The following NCOR2 variants were observed in gnomAD, a reference collection of about 807,000 sequenced individuals.
NCOR2 encodes CTG repeat protein 26.
Under a neutral mutation model 262.9 loss-of-function variants are expected in NCOR2, and 81 were observed. The ratio of observed to expected loss-of-function variants is 0.31; its 90% CI spans 0.26 to 0.37. The LOEUF is 0.37. Ranked by LOEUF, NCOR2 falls within the 10% of genes least tolerant of loss-of-function variation. The pLI is 1.00. For synonymous variants in NCOR2, 1,659 were observed against 1,559.3 expected (o/e 1.06, Z -1.51); for missense variants, 3,385 against 3,621.4 (o/e 0.93, Z 1.68).
rs188152154 is a variant in NCOR2 at position 124,356,124 on chromosome 12, C to T, written c.3241+518G>A. The stretch of plus-strand genomic sequence containing the variant: ...CTCTGGGCTTTTGCACTTGCTGTTC[C>T]GTCTGCCTGGCATGACTTTCCCTGT... On this transcript the variant is annotated intron_variant, in intron 23 of 46. Transcript: ENST00000405201. 5.1e-4 allele frequency among the ~76,000 whole-genome samples: 77 copies of T among 152,366 alleles called. 2 individuals carry two copies. The highest frequency in any genetic ancestry group is 3.5e-3 in the Admixed American group (53 of 15,310).
rs550469937 is a variant in NCOR2, at chr12:124,437,244, G to A, written c.882+686C>T. 2.6e-5 allele frequency among the ~76,000 whole-genome samples: 4 copies of A among 152,236 alleles called. No homozygotes were observed. In the South Asian group the frequency reaches 6.2e-4, roughly 24 times the overall value. ...TTCCTGTTGAAGCCCATCTGAGTCC[G>A]CGCTTCTTCCCCTGACAGCTGGGAG... On this transcript the variant is annotated intron_variant, in intron 8 of 46. Coordinates refer to ENST00000405201, the Ensembl canonical transcript of NCOR2.
rs781004006 is a variant in NCOR2, at chr12:124,336,842, G to A, written c.6026C>T (p.Pro2009Leu). 44 of 1,612,298 alleles carry A rather than the reference G, an allele frequency of 2.7e-5. 1 individual carries two copies. In the South Asian group the frequency reaches 3.8e-4, roughly 14 times the overall value. Residue 2009 changes from proline (P) to leucine (L), a missense_variant, in exon 38 of 47, where the codon CCG becomes CTG. Pro to Leu is a moderately conservative substitution (Grantham distance 98, BLOSUM62 -3). Transcript: ENST00000405201. ...GTCCGAGGCCGAGGCAGGTGGCGCC[G>A]GCGGGTCCGGGCTGGCGTGGTGAGG...
chr12:124,364,766 C>T (rs1427651464), intron 20 of NCOR2, among the ~76,000 whole-genome samples: 1 of 152,226 alleles, frequency 6.6e-6, no homozygotes, highest in Non-Finnish European at 1.5e-5. Flanking sequence ...GCCTGAGAAC[C>T]CTTCACCTGC....
Position 124,509,248 on chromosome 12 carries a change from G to GT in NCOR2, c.-117-13881_-117-13880insA, listed in dbSNP as rs201046538. ...CACTGGCTTTGGTGGGGGGGGGGGG[G>GT]GCTTAACTCTGAACTCTCAAGCTGA... is the stretch of plus-strand genomic sequence containing the variant. On this transcript the variant is annotated intron_variant, in intron 1 of 46. Transcript: ENST00000404621. Among the ~76,000 whole-genome samples, 656 of 150,894 alleles carry GT rather than the reference G, an allele frequency of 4.3e-3. 12 individuals are homozygous for GT. In the East Asian group the frequency reaches 0.084, roughly 19 times the overall value.
chr12:124,402,520 C>CTGCTGCTGCTGT, exon 14 of NCOR2: 1 of 1,538,606 alleles, frequency 6.5e-7, no homozygotes, highest in Non-Finnish European at 8.7e-7. Context: ...TGGGCTGCTG[C>CTGCTGCTGCTGT]TGCTGCTGCT....
At chr12:124,353,970 G>T in intron 27 of NCOR2, 123 bp downstream of exon 29, 2 of 851,592 alleles carry the variant, frequency 2.3e-6, no homozygotes, top group Non-Finnish European at 3.7e-6. Context: ...GGAGTGAACT[G>T]CTGTCCCCCA....
intron 3 of NCOR2, among the ~76,000 whole-genome samples, chr12:124,474,019 T>A (rs1205184915): frequency 2.6e-5 from 4 of 152,164 alleles, no homozygotes; most frequent in Admixed American, 2.6e-4. Context: ...TTTCCCAGCC[T>A]CTCCTCAAGT....
chr12:124,442,888 G>A (rs116666446), intron 7 of NCOR2, among the ~76,000 whole-genome samples: 2,154 of 152,304 alleles, frequency 0.014, 45 homozygotes, highest in African/African-American at 0.049. Flanking sequence ...AGACACACAC[G>A]GAGGGGAGAT....
At chr12:124,334,445 G>T in exon 41 of NCOR2, 1 of 1,497,972 alleles carries the variant, frequency 6.7e-7, no homozygotes, top group Non-Finnish European at 8.9e-7. Flanking sequence ...TTCGCTGTGG[G>T]GGGAGCCACG....
chr12:124,540,167 AG>A (rs1382929710), upstream of NCOR2, among the ~76,000 whole-genome samples: 2 of 146,742 alleles, frequency 1.4e-5, no homozygotes, highest in Non-Finnish European at 3.0e-5. Context: ...GTGATTGCAA[AG>A]AGTGGCCCCT....
At chr12:124,449,744 A>G (rs2045404190) in intron 7 of NCOR2, 71 bp downstream of exon 9, 2 of 1,542,042 alleles carry the variant, frequency 1.3e-6, no homozygotes, top group South Asian at 1.1e-5. Flanking sequence ...CCCACATCCC[A>G]TGCAGGCTGC....
intron 35 of NCOR2, 59 bp downstream of exon 37, chr12:124,340,543 C>T (rs947456665): frequency 1.6e-4 from 238 of 1,529,910 alleles, no homozygotes; most frequent in Non-Finnish European, 2.0e-4. Context: ...GCCCGCCCAT[C>T]CCCCAGCCGC....
chr12:124,562,916 A>G (rs2052118585), intron 1 of NCOR2, among the ~76,000 whole-genome samples: 1 of 152,174 alleles, frequency 6.6e-6, no homozygotes, highest in South Asian at 2.1e-4. Flanking sequence ...TGCGACACAC[A>G]GGAGCTCATT....
At chr12:124,565,697 T>A (rs879663222) in intron 1 of NCOR2, among the ~76,000 whole-genome samples, 1 of 152,242 alleles carries the variant, frequency 6.6e-6, no homozygotes, top group Admixed American at 6.5e-5. Flanking sequence ...GGGATTCTTA[T>A]GGCCGGACGG....
Position 124,456,377 on chromosome 12 carries a change from A to G in NCOR2, c.762+729T>C, listed in dbSNP as rs114285628. ...GGCTGCGGCCCATTCTCTGGGGGCT[A>G]GGGCTTCTGCATCCACCCATCCTCA... is the stretch of plus-strand genomic sequence containing the variant. On this transcript the variant is annotated intron_variant, in intron 6 of 46. Coordinates refer to ENST00000405201, the Ensembl canonical transcript of NCOR2. 7.4e-3 allele frequency among the ~76,000 whole-genome samples: 1,128 copies of G among 152,282 alleles called. 24 individuals carry two copies. Among genetic ancestry groups the G allele is most frequent in the African/African-American group, 0.026 (1,078 of 41,556 alleles).
At chr12:124,449,929 A>C in intron 6 of NCOR2, 62 bp from the exon 9 acceptor site, 1 of 1,551,934 alleles carries the variant, frequency 6.4e-7, no homozygotes, top group Non-Finnish European at 8.8e-7. Flanking sequence ...TACAGAGCCC[A>C]CCGGTAGGAG....
In NCOR2 at chr12:124,330,750, C is replaced by T. The variant is rs146674210; in HGVS notation, c.6958+95G>A. 1.7e-3 allele frequency: 2,295 copies of T among 1,366,748 alleles called. 7 individuals carry two copies. The highest frequency in any genetic ancestry group is 2.2e-3 in the Non-Finnish European group (2,161 of 984,882). The allele number at this position is 1,366,748 out of a possible 1,614,324, so 84.7% of individuals were successfully genotyped here. On this transcript the variant is annotated intron_variant, in intron 44 of 46. Transcript: ENST00000405201. ...GAATGAGGGGGTACACCCAGACTAG[C>T]GAAGGCTCCTCGTCCCTTCATGACA... is the stretch of plus-strand genomic sequence containing the variant.
At chr12:124,433,830 T>C (rs2044131313) in intron 8 of NCOR2, among the ~76,000 whole-genome samples, 1 of 126,504 alleles carries the variant, frequency 7.9e-6, no homozygotes, top group Non-Finnish European at 1.7e-5. Context: ...CTTCCCTCCC[T>C]CCCTCTCTCT....
Position 124,400,676 on chromosome 12 carries a change from A to G in NCOR2, c.1641-3T>C, listed in dbSNP as rs560948608. ...CTGAGGTGTCGTCTGTCTTCTCCCTACAGGCCAGAGAGGGGAGATAGGATG... is the reference window on the plus strand; with the variant it reads ...CTGAGGTGTCGTCTGTCTTCTCCCTGCAGGCCAGAGAGGGGAGATAGGATG... On this transcript the variant is annotated splice_polypyrimidine_tract_variant and splice_region_variant and intron_variant, in intron 14 of 46. Coordinates refer to ENST00000405201, the Ensembl canonical transcript of NCOR2. The G allele has an allele frequency of 1.2e-6, 2 of 1,613,658 alleles. No homozygotes were observed. Among genetic ancestry groups the G allele is most frequent in the South Asian group, 2.2e-5 (2 of 91,064 alleles).
Sources: gnomAD v4.1 joint callset for allele counts (sites outside exome capture counted in the v4.1 genomes callset) on GRCh38, gnomAD v4.1.1 for gene constraint, MANE v1.5 for transcripts, NCBI Gene and HGNC (gene_info 2026-07-23, HGNC 2026-07-21) for gene names.